PTPRK: variants seen among roughly 807,000 people sequenced by gnomAD.
PTPRK encodes the protein protein tyrosine phosphatase receptor type K.
PTPRK carries 75 observed loss-of-function variants against 178.0 expected under a neutral mutation model. The ratio of observed to expected loss-of-function variants is 0.42; its 90% confidence interval spans 0.35 to 0.51. The LOEUF is 0.51. PTPRK is among the 20% of genes least tolerant of loss of function. The probability of loss-of-function intolerance (pLI) is 0.02; values close to 1 mark genes in which losing one functional copy is unlikely to be tolerated. For missense variants in PTPRK, 1,441 were observed against 1,797.8 expected, an observed-to-expected ratio of 0.80 and a Z score of 3.59; for synonymous variants, 637 against 620.6, an observed-to-expected ratio of 1.03 and a Z score of -0.39.
At chr6:128,288,429 G>A (rs1382212664) in intron 3 of PTPRK, among the ~76,000 whole-genome samples, 1 of 152,008 alleles carries the variant, frequency 6.6e-6, no homozygotes, top group Admixed American at 6.6e-5. Context: ...ACTCAATTTT[G>A]TATTGAGAAC....
At chr6:128,182,089 G>A (rs1361662008) in intron 7 of PTPRK, among the ~76,000 whole-genome samples, 1 of 151,902 alleles carries the variant, frequency 6.6e-6, no homozygotes, top group African/African-American at 2.4e-5. Flanking sequence ...ATAAACATGT[G>A]ATAAAAATTC....
intron 1 of PTPRK, among the ~76,000 whole-genome samples, chr6:128,417,716 A>C (rs2128384166): frequency 6.6e-6 from 1 of 152,282 alleles, no homozygotes; most frequent in South Asian, 2.1e-4. Context: ...TATTTTTGTC[A>C]CTCAGTATCT....
chr6:128,001,710 G>A (rs1777851867), intron 15 of PTPRK, among the ~76,000 whole-genome samples: 2 of 151,836 alleles, frequency 1.3e-5, no homozygotes. Flanking sequence ...TTATAGATGG[G>A]AAAACAAAGA....
chr6:128,151,050 A>C (rs1008179658), intron 7 of PTPRK, among the ~76,000 whole-genome samples: 3 of 152,260 alleles, frequency 2.0e-5, no homozygotes, highest in African/African-American at 7.2e-5. Flanking sequence ...AGGTAAAAAA[A>C]AGTAATTTTG....
At chr6:128,446,746 C>T (rs574773043) in intron 1 of PTPRK, among the ~76,000 whole-genome samples, 44 of 152,044 alleles carry the variant, frequency 2.9e-4, no homozygotes, top group Middle Eastern at 3.4e-3. Flanking sequence ...TCTGGGCTAC[C>T]GCTCCCACCA....
chr6:128,431,928 T>A (rs977051418), intron 1 of PTPRK, among the ~76,000 whole-genome samples: 20 of 151,394 alleles, frequency 1.3e-4, no homozygotes, highest in Non-Finnish European at 2.8e-4. Flanking sequence ...TTAGACATAG[T>A]GGAAAGATGT....
At chr6:128,018,961 A>G (rs1475650222) in intron 13 of PTPRK, among the ~76,000 whole-genome samples, 2 of 152,154 alleles carry the variant, frequency 1.3e-5, no homozygotes, top group Admixed American at 6.5e-5. Context: ...AGAGCGTATA[A>G]ACTAGAAGAA....
chr6:128,471,604 T>TAA (rs34372021), intron 1 of PTPRK, among the ~76,000 whole-genome samples: 2,144 of 63,534 alleles, frequency 0.034, 49 homozygotes, highest in African/African-American at 0.061. Context: ...CAAAACAACC[T>TAA]AAAAAAAAAA....
intron 7 of PTPRK, among the ~76,000 whole-genome samples, chr6:128,101,457 A>C (rs574907137): frequency 1.4e-4 from 21 of 152,114 alleles, no homozygotes; most frequent in Non-Finnish European, 2.9e-4. Flanking sequence ...ATCTGTTACC[A>C]CATCTACTTA....
intron 2 of PTPRK, among the ~76,000 whole-genome samples, chr6:128,331,543 T>C (rs1257155265): frequency 6.6e-6 from 1 of 152,144 alleles, no homozygotes; most frequent in Non-Finnish European, 1.5e-5. Flanking sequence ...AGAATAACCC[T>C]AAAATACTCC....
chr6:128,001,576 T>A (rs1777838858), intron 15 of PTPRK, among the ~76,000 whole-genome samples: 1 of 152,016 alleles, frequency 6.6e-6, no homozygotes, highest in African/African-American at 2.4e-5. Flanking sequence ...AACATGAATA[T>A]CCTTTTTCAC....
At chr6:128,497,177 G>T (rs1158399368) in intron 1 of PTPRK, among the ~76,000 whole-genome samples, 1 of 152,072 alleles carries the variant, frequency 6.6e-6, no homozygotes, top group African/African-American at 2.4e-5. Context: ...TAATAAACAT[G>T]TATGTTCCAG....
chr6:128,452,412 C>G (rs947971907), intron 1 of PTPRK, among the ~76,000 whole-genome samples: 4 of 152,126 alleles, frequency 2.6e-5, no homozygotes, highest in Non-Finnish European at 5.9e-5. Flanking sequence ...GGATGCATTA[C>G]ATTCTCTTTA....
chr6:128,210,459 G>A (rs571097334), intron 6 of PTPRK, among the ~76,000 whole-genome samples: 3 of 150,902 alleles, frequency 2.0e-5, no homozygotes, highest in East Asian at 3.9e-4. Context: ...TTGGGGAGGG[G>A]GGGTGGGGAA....
At chr6:128,332,495 G>A (rs368955915) in intron 2 of PTPRK, among the ~76,000 whole-genome samples, 1 of 152,230 alleles carries the variant, frequency 6.6e-6, no homozygotes, top group East Asian at 1.9e-4. Context: ...GATGTGCGAA[G>A]GCACACTGAC....
chr6:128,165,916 T>C (rs1016633483), intron 7 of PTPRK, among the ~76,000 whole-genome samples: 1 of 151,728 alleles, frequency 6.6e-6, no homozygotes, highest in East Asian at 1.9e-4. Flanking sequence ...CATTTAAAAC[T>C]AAAAATAGCA....
chr6:128,441,999 C>T (rs1445798298), intron 1 of PTPRK, among the ~76,000 whole-genome samples: 3 of 152,076 alleles, frequency 2.0e-5, no homozygotes, highest in East Asian at 3.9e-4. Context: ...AAACTCAGAC[C>T]GATCTAGGAG....
intron 3 of PTPRK, among the ~76,000 whole-genome samples, chr6:128,246,493 G>T (rs920881788): frequency 4.0e-5 from 6 of 151,464 alleles, no homozygotes; most frequent in African/African-American, 1.5e-4. Context: ...GCTAAATGTT[G>T]TCTTTGCCTC....
At chr6:128,099,978 C>A (rs372242349) in intron 7 of PTPRK, among the ~76,000 whole-genome samples, 1 of 152,100 alleles carries the variant, frequency 6.6e-6, no homozygotes, top group East Asian at 1.9e-4. Context: ...CCTGCACATA[C>A]TAGAAATGCT....
Sources: allele counts gnomAD v4.1 joint callset (sites outside exome capture counted in the v4.1 genomes callset), GRCh38; gene constraint gnomAD v4.1.1; transcripts MANE v1.5; gene names NCBI Gene and HGNC (gene_info 2026-07-23, HGNC 2026-07-21).